Variants in EPB41L4A observed in about 807,000 individuals in gnomAD.
EPB41L4A encodes band 4.1-like protein 4A.
EPB41L4A carries 100 observed loss-of-function variants against 108.6 expected under a neutral mutation model. The ratio of observed to expected loss-of-function variants is 0.92; its 90% CI spans 0.78 to 1.09. The LOEUF is 1.09. Ranked by LOEUF, EPB41L4A falls within the 50% of genes least tolerant of loss-of-function variation. The pLI is 0.00. For missense variants in EPB41L4A, 1,030 were observed against 842.7 expected, an observed-to-expected ratio of 1.22 and a Z score of -2.75; for synonymous variants, 319 against 289.0, an observed-to-expected ratio of 1.10 and a Z score of -1.05.
chr5:112,314,697 A>G (rs988816128), intron 1 of EPB41L4A, among the ~76,000 whole-genome samples: 11 of 152,008 alleles, frequency 7.2e-5, no homozygotes, highest in African/African-American at 2.4e-4. Flanking sequence ...GGAGGCTGAG[A>G]CAGGAAAATT....
intron 17 of EPB41L4A, among the ~76,000 whole-genome samples, chr5:112,186,152 T>C (rs1761417291): frequency 6.6e-6 from 1 of 152,212 alleles, no homozygotes; most frequent in Admixed American, 6.5e-5. Context: ...ACAAAATCAC[T>C]GTCCAGTTGA....
intron 2 of EPB41L4A, among the ~76,000 whole-genome samples, chr5:112,299,305 A>AT: frequency 6.6e-6 from 1 of 152,172 alleles, no homozygotes; most frequent in African/African-American, 2.4e-5. Context: ...TCCTCTTAGC[A>AT]CTGCCTTTGC....
chr5:112,351,312 A>G (rs1363591958), intron 1 of EPB41L4A, among the ~76,000 whole-genome samples: 1 of 152,222 alleles, frequency 6.6e-6, no homozygotes. Context: ...ACAGAAATAC[A>G]AAGATCATCA....
chr5:112,307,489 T>A lies in EPB41L4A; in HGVS notation c.101A>T (p.Lys34Met). The change falls in exon 2 of 23, where the codon AAG becomes ATG. Residue 34 changes from lysine (K) to methionine (M), a missense_variant and splice_region_variant. Transcript: ENST00000261486. ...TLTTQQQGIK[K>M]STKGSVVLDH... ...AAGGACAACGGAACCTTTCGTTGAC[T>A]TCTGCAAAAATAATTCAGTTTTATA... 6.2e-7 allele frequency: 1 copy of A among 1,607,294 alleles called. No homozygotes were observed. Among genetic ancestry groups the A allele is most frequent in the Non-Finnish European group, 8.5e-7 (1 of 1,174,214 alleles).
intron 9 of EPB41L4A, among the ~76,000 whole-genome samples, chr5:112,252,156 C>G (rs912303408): frequency 6.6e-6 from 1 of 152,118 alleles, no homozygotes; most frequent in Non-Finnish European, 1.5e-5. Context: ...ATGGACAGAA[C>G]TGGAAGTATG....
chr5:112,214,943 C>T lies in EPB41L4A; in HGVS notation c.1088-4961G>A, dbSNP rs190348678. Among the ~76,000 whole-genome samples the T allele has an allele frequency of 6.6e-5, 10 of 152,104 alleles. No individual in the cohort carries two copies. The East Asian group carries it at 1.4e-3, about 21-fold the overall frequency. Reference sequence around the variant, plus strand: ...TTCATAAAATATTTGACATATAAAACAAAATTATTTTTAAATTAAAAACTT... The same window carrying T: ...TTCATAAAATATTTGACATATAAAATAAAATTATTTTTAAATTAAAAACTT... On this transcript the variant is annotated intron_variant, in intron 12 of 22. Coordinates refer to ENST00000261486, the MANE Select transcript of EPB41L4A (RefSeq NM_022140.5).
At chr5:112,195,872 G>A (rs746117443) in intron 15 of EPB41L4A, among the ~76,000 whole-genome samples, 164 bp from the exon 16 acceptor site, 7 of 152,028 alleles carry the variant, frequency 4.6e-5, no homozygotes, top group South Asian at 2.1e-4. Flanking sequence ...CATACAACAC[G>A]TCCCAGAAAT....
At chr5:112,391,599 G>C (rs907662571) in intron 1 of EPB41L4A, among the ~76,000 whole-genome samples, 1 of 152,144 alleles carries the variant, frequency 6.6e-6, no homozygotes, top group South Asian at 2.1e-4. Flanking sequence ...CCAAATCTAC[G>C]TCTGATTGGT....
chr5:112,239,993 A>T (rs1749656303), intron 10 of EPB41L4A, among the ~76,000 whole-genome samples: 1 of 152,224 alleles, frequency 6.6e-6, no homozygotes, highest in Admixed American at 6.5e-5. Context: ...CAACATAAAG[A>T]TGTGAAACAA....
At chr5:112,230,983 G>GT in intron 12 of EPB41L4A, among the ~76,000 whole-genome samples, 1 of 152,264 alleles carries the variant, frequency 6.6e-6, no homozygotes, top group African/African-American at 2.4e-5. Flanking sequence ...TCTCAGCAAA[G>GT]TCTTAAATTT....
At chr5:112,397,561 T>C (rs543808318) in intron 1 of EPB41L4A, among the ~76,000 whole-genome samples, 1 of 151,818 alleles carries the variant, frequency 6.6e-6, no homozygotes, top group Non-Finnish European at 1.5e-5. Flanking sequence ...TGAAAAAAAA[T>C]TTACAAAAAA....
At chr5:112,145,720 C>T (rs943209629) in intron 13 of EPB41L4A, among the ~76,000 whole-genome samples, 4 of 152,184 alleles carry the variant, frequency 2.6e-5, no homozygotes, top group Non-Finnish European at 4.4e-5. Context: ...AATTTCACAT[C>T]ATCCCAAATT....
In EPB41L4A at chr5:112,164,025, G is replaced by A. The variant is rs1760077109; in HGVS notation, c.*965C>T. On this transcript the variant is annotated 3_prime_UTR_variant, in exon 23 of 23. Transcript: ENST00000261486. ...TGTAGATTGCAAAGTCATCTATGGA[G>A]AGGAAAGGTACAAAATAGTCACTGG... 6.6e-6 allele frequency: 1 copy of A among 152,208 alleles called. No individual in the cohort carries two copies. The highest frequency in any genetic ancestry group is 1.5e-5 in the Non-Finnish European group (1 of 68,078). 9.4% of individuals were successfully genotyped at this position (152,208 alleles called of 1,614,324 possible). A position where few individuals can be genotyped will look rare whatever the true frequency, so the allele number is the denominator to read the frequency against.
At chr5:112,161,527 G>A (rs1227523503), downstream of EPB41L4A, 1 of 519,032 alleles carries the variant, frequency 1.9e-6, no homozygotes, top group East Asian at 5.4e-5. Flanking sequence ...AGTGAATGTG[G>A]TGTCAAAAAA....
chr5:112,408,587 A>G (rs1317807805), intron 1 of EPB41L4A, among the ~76,000 whole-genome samples: 1 of 149,246 alleles, frequency 6.7e-6, no homozygotes, highest in Non-Finnish European at 1.5e-5. Context: ...GGCCAGGTGC[A>G]GTGGCTCATG....
At chr5:112,252,854 T>TAA (rs34687416) in intron 9 of EPB41L4A, among the ~76,000 whole-genome samples, 35 of 149,810 alleles carry the variant, frequency 2.3e-4, no homozygotes, top group South Asian at 1.1e-3. Flanking sequence ...TTGAAAGTAT[T>TAA]AAAAAAAAAA....
intron 1 of EPB41L4A, among the ~76,000 whole-genome samples, chr5:112,386,281 TA>T (rs1336682320): frequency 6.6e-6 from 1 of 152,208 alleles, no homozygotes; most frequent in African/African-American, 2.4e-5. Flanking sequence ...GCTCAAACCT[TA>T]CATAAAATAC....
chr5:112,190,172 T>C (rs4957635), intron 17 of EPB41L4A, among the ~76,000 whole-genome samples: 50,357 of 152,074 alleles, frequency 0.33, 8,299 homozygotes, highest in Admixed American at 0.36. Context: ...TTTCACAAAT[T>C]AGTATAGCAA....
intron 1 of EPB41L4A, among the ~76,000 whole-genome samples, chr5:112,314,085 C>T (rs1431162703): frequency 6.6e-6 from 1 of 151,852 alleles, no homozygotes; most frequent in Non-Finnish European, 1.5e-5. Flanking sequence ...GTCTCAATCT[C>T]CTGACCTTGT....
Sources: gnomAD v4.1 joint callset for allele counts (sites outside exome capture counted in the v4.1 genomes callset) on GRCh38, gnomAD v4.1.1 for gene constraint, MANE v1.5 for transcripts, NCBI Gene and HGNC (gene_info 2026-07-23, HGNC 2026-07-21) for gene names.